The following AATF variants were observed in gnomAD, a reference collection of about 807,000 sequenced individuals.
The protein encoded by AATF is protein AATF.
AATF carries 48 observed loss-of-function variants against 63.7 expected under a neutral mutation model. The ratio of observed to expected loss-of-function variants is 0.75; its 90% confidence interval spans 0.60 to 0.96. The LOEUF (loss-of-function observed/expected upper bound fraction) is 0.96, where lower values mean the gene tolerates loss of function less well. Among genes scored for constraint, AATF ranks in the 40% least tolerant of loss-of-function variants. The probability of loss-of-function intolerance (pLI) is 0.00; values close to 1 mark genes in which losing one functional copy is unlikely to be tolerated. For synonymous variants in AATF, 258 were observed against 247.7 expected, an observed-to-expected ratio of 1.04 and a Z score of -0.39; for missense variants, 639 against 685.7, an observed-to-expected ratio of 0.93 and a Z score of 0.76.
At chr17:36,975,674 G>C (rs1423493341) in intron 4 of AATF, among the ~76,000 whole-genome samples, 1 of 152,126 alleles carries the variant, frequency 6.6e-6, no homozygotes, top group East Asian at 1.9e-4. Flanking sequence ...CTGAGGGTTA[G>C]TTTCTAGAAG....
intron 2 of AATF, among the ~76,000 whole-genome samples, chr17:36,951,989 C>T (rs2070859020): frequency 6.6e-6 from 1 of 152,196 alleles, no homozygotes; most frequent in African/African-American, 2.4e-5. Context: ...GTAAAAACCT[C>T]TACATATCAG....
intron 11 of AATF, among the ~76,000 whole-genome samples, chr17:37,041,598 C>T (rs1015805125): frequency 3.3e-5 from 5 of 152,124 alleles, no homozygotes; most frequent in Admixed American, 1.3e-4. Context: ...GTCCGCCTCC[C>T]GGGTTCAAGT....
rs2071437276 is a variant in AATF, at chr17:37,017,474, A to AT, written c.1399-1530dup. ...GTGTTACATAGGTTTACTGTGTCAT[A>AT]TGTCTGTGTAACACTGGATTTGGAT... On this transcript the variant is annotated intron_variant, in intron 8 of 11. Coordinates refer to ENST00000619387, the MANE Select transcript of AATF (RefSeq NM_012138.4). Among the ~76,000 whole-genome samples, 11 of 152,240 alleles carry AT rather than the reference A, an allele frequency of 7.2e-5. No individual in the cohort carries two copies. The South Asian group carries it at 2.1e-3, about 29-fold the overall frequency.
intron 11 of AATF, among the ~76,000 whole-genome samples, chr17:37,041,079 C>T (rs779270853): frequency 1.3e-5 from 2 of 152,166 alleles, no homozygotes; most frequent in Non-Finnish European, 2.9e-5. Flanking sequence ...AAAAATTTGT[C>T]ATCCTGCTAT....
chr17:37,036,651 G>T (rs967412357), intron 11 of AATF, among the ~76,000 whole-genome samples: 1 of 151,646 alleles, frequency 6.6e-6, no homozygotes, highest in African/African-American at 2.4e-5. Context: ...TTGTGTCCCT[G>T]TTGTTACCAA....
At chr17:36,968,913 C>T (rs1042003938) in intron 4 of AATF, among the ~76,000 whole-genome samples, 1 of 152,218 alleles carries the variant, frequency 6.6e-6, no homozygotes, top group African/African-American at 2.4e-5. Context: ...CAGATGTGAA[C>T]TTTAGCGCCT....
intron 8 of AATF, among the ~76,000 whole-genome samples, chr17:37,001,408 G>GGAGGA (rs2071294405): frequency 1.1e-5 from 1 of 94,160 alleles, no homozygotes; most frequent in South Asian, 4.2e-4. Context: ...AGGGAGGGAG[G>GGAGGA]AAGGAAGGAA....
intron 11 of AATF, among the ~76,000 whole-genome samples, chr17:37,046,753 A>AC (rs1210221399): frequency 6.6e-6 from 1 of 151,414 alleles, no homozygotes; most frequent in Non-Finnish European, 1.5e-5. Flanking sequence ...ACACACACAC[A>AC]CACACACACA....
chr17:36,996,547 A>C (rs1253914095), intron 8 of AATF, among the ~76,000 whole-genome samples: 1 of 152,218 alleles, frequency 6.6e-6, no homozygotes, highest in Non-Finnish European at 1.5e-5. Flanking sequence ...GGGCCCAATT[A>C]AATTTCAGTT....
intron 11 of AATF, chr17:37,043,213 T>C (rs1354385775): frequency 6.6e-6 from 1 of 152,288 alleles, no homozygotes; most frequent in African/African-American, 2.4e-5. Context: ...GTCAAGGCCA[T>C]CGATGACTTG....
At chr17:37,030,967 A>G (rs1264533812) in intron 10 of AATF, among the ~76,000 whole-genome samples, 5 of 152,254 alleles carry the variant, frequency 3.3e-5, no homozygotes, top group Non-Finnish European at 7.3e-5. Flanking sequence ...TAAGGGTTGT[A>G]TATTGCTCAA....
intron 4 of AATF, among the ~76,000 whole-genome samples, chr17:36,960,459 C>T (rs566615829): frequency 3.9e-5 from 6 of 152,200 alleles, no homozygotes; most frequent in African/African-American, 1.4e-4. Flanking sequence ...GTAGGCAGTA[C>T]ATTCACATAG....
At chr17:36,971,943 T>C (rs1446324373) in intron 4 of AATF, among the ~76,000 whole-genome samples, 2 of 152,230 alleles carry the variant, frequency 1.3e-5, no homozygotes, top group African/African-American at 2.4e-5. Flanking sequence ...TTGTTTTCTA[T>C]GAGTTTCTAT....
At chr17:36,952,816 T>A in intron 2 of AATF, 70 bp from the exon 3 acceptor site, 1 of 1,543,060 alleles carries the variant, frequency 6.5e-7, no homozygotes, top group Non-Finnish European at 8.7e-7. Context: ...TAAGTTGAAA[T>A]GAAGTCTATG....
chr17:37,021,301 A>G, intron 10 of AATF: 1 of 326,120 alleles, frequency 3.1e-6, no homozygotes. Context: ...TTGAAATTAT[A>G]TTAACTTTAA....
intron 11 of AATF, among the ~76,000 whole-genome samples, chr17:37,036,139 C>A (rs2071590351): frequency 6.6e-6 from 1 of 152,182 alleles, no homozygotes; most frequent in Non-Finnish European, 1.5e-5. Context: ...GCCCTTTTGA[C>A]TTCTTGTTCC....
chr17:36,997,034 G>T (rs1446907874), intron 8 of AATF, among the ~76,000 whole-genome samples: 3 of 152,194 alleles, frequency 2.0e-5, no homozygotes, highest in Admixed American at 2.0e-4. Context: ...TGGAGAGTTT[G>T]CTAGGCAAAT....
chr17:36,974,655 T>C (rs2071066298), intron 4 of AATF, among the ~76,000 whole-genome samples: 1 of 152,242 alleles, frequency 6.6e-6, no homozygotes, highest in Non-Finnish European at 1.5e-5. Flanking sequence ...TACAATAATT[T>C]TGTTTCATCT....
chr17:36,995,012 G>A (rs764649655), intron 8 of AATF, among the ~76,000 whole-genome samples: 2 of 152,172 alleles, frequency 1.3e-5, no homozygotes, highest in Non-Finnish European at 2.9e-5. Context: ...TCGCAAACTA[G>A]TTTCTTGTCA....
Sources: allele counts gnomAD v4.1 joint callset (sites outside exome capture counted in the v4.1 genomes callset), GRCh38; gene constraint gnomAD v4.1.1; transcripts MANE v1.5; gene names NCBI Gene and HGNC (gene_info 2026-07-23, HGNC 2026-07-21).